Variants in WDR72 observed in about 807,000 individuals in gnomAD.
WDR72 encodes WD repeat domain 72.
WDR72 carries 120 observed loss-of-function variants against 124.2 expected under a neutral mutation model. That is an observed-to-expected ratio of 0.97 (90% CI 0.83 to 1.12). WDR72 has a LOEUF of 1.12. WDR72 is among the 50% of genes most tolerant of loss of function. The probability of loss-of-function intolerance (pLI) is 0.00; values close to 1 mark genes in which losing one functional copy is unlikely to be tolerated. For missense variants in WDR72, 1,387 were observed against 1,278.8 expected, an observed-to-expected ratio of 1.08 and a Z score of -1.29; for synonymous variants, 452 against 441.7, an observed-to-expected ratio of 1.02 and a Z score of -0.29.
At chr15:53,686,145 G>C (rs191403307) in intron 13 of WDR72, among the ~76,000 whole-genome samples, 1 of 145,104 alleles carries the variant, frequency 6.9e-6, no homozygotes, top group South Asian at 2.3e-4. Flanking sequence ...GGACGAAACT[G>C]CATCAACTAA....
chr15:53,600,259 A>G (rs73408217), intron 17 of WDR72, among the ~76,000 whole-genome samples: 21,239 of 152,170 alleles, frequency 0.14, 2,323 homozygotes, highest in African/African-American at 0.31. Context: ...TATAAATGTA[A>G]TAGATAGATT....
chr15:53,561,734 T>C (rs74899479), intron 18 of WDR72, among the ~76,000 whole-genome samples: 1 of 151,796 alleles, frequency 6.6e-6, no homozygotes, highest in Non-Finnish European at 1.5e-5. Flanking sequence ...TCTGTCTGCA[T>C]TTTAGGTTCA....
At chr15:53,731,964 A>G (rs2018215294) in intron 2 of WDR72, among the ~76,000 whole-genome samples, 1 of 152,228 alleles carries the variant, frequency 6.6e-6, no homozygotes, top group African/African-American at 2.4e-5. Context: ...CTAGCCAGAA[A>G]ATAATACACT....
intron 13 of WDR72, among the ~76,000 whole-genome samples, chr15:53,690,167 G>A (rs1037971770): frequency 3.0e-4 from 45 of 151,766 alleles, no homozygotes; most frequent in Non-Finnish European, 1.3e-4. Context: ...GTATACATAT[G>A]TAACTAACCT....
At chr15:53,649,252 C>T (rs74570758) in intron 14 of WDR72, among the ~76,000 whole-genome samples, 1,976 of 152,170 alleles carry the variant, frequency 0.013, 33 homozygotes, top group East Asian at 0.07. Flanking sequence ...GCATTACCAA[C>T]GCAGAGTTGA....
chr15:53,634,084 C>T (rs2014533439), intron 14 of WDR72, among the ~76,000 whole-genome samples: 1 of 152,154 alleles, frequency 6.6e-6, no homozygotes, highest in South Asian at 2.1e-4. Flanking sequence ...ATGTGCCCTC[C>T]TGAGTAATTC....
chr15:53,727,347 CATA>C (rs1221611110), intron 2 of WDR72, among the ~76,000 whole-genome samples: 5 of 151,650 alleles, frequency 3.3e-5, no homozygotes, highest in African/African-American at 1.2e-4. Flanking sequence ...ACTATACGAA[CATA>C]TGTAGATGGT....
rs191695568 is a variant in WDR72 at position 53,612,413 on chromosome 15, G to A, written c.2872+1253C>T. 3.5e-3 allele frequency among the ~76,000 whole-genome samples: 532 copies of A among 152,208 alleles called. 1 individual carries two copies. The highest frequency in any genetic ancestry group is 0.012 in the African/African-American group (508 of 41,554). On this transcript the variant is annotated intron_variant, in intron 16 of 19. Coordinates refer to ENST00000360509, the MANE Select transcript of WDR72 (RefSeq NM_182758.4). ...AGCGAAAGGGGTAGGGAGTGCTGCT[G>A]CAGTGATAAAGTGGCATTGGAGCAA...
chr15:53,721,969 T>C (rs2017888194), intron 3 of WDR72, among the ~76,000 whole-genome samples: 1 of 152,188 alleles, frequency 6.6e-6, no homozygotes, highest in Non-Finnish European at 1.5e-5. Context: ...TTTCCATCTC[T>C]CTGCCACCAT....
At chr15:53,674,756 G>T (rs1453719444) in intron 13 of WDR72, among the ~76,000 whole-genome samples, 2 of 152,076 alleles carry the variant, frequency 1.3e-5, no homozygotes, top group Non-Finnish European at 2.9e-5. Context: ...TACCTTAAGG[G>T]TATATAGGAT....
At chr15:53,659,387 A>C (rs77778500) in intron 14 of WDR72, among the ~76,000 whole-genome samples, 2,028 of 152,254 alleles carry the variant, frequency 0.013, 32 homozygotes, top group East Asian at 0.069. Context: ...AAGCTAGCCT[A>C]GCACCATGAA....
intron 1 of WDR72, among the ~76,000 whole-genome samples, chr15:53,754,044 C>T (rs2018838540): frequency 1.3e-5 from 2 of 152,096 alleles, no homozygotes; most frequent in African/African-American, 4.8e-5. Context: ...AGCCAGTCCA[C>T]CTATTTCTTT....
Position 53,609,535 on chromosome 15 carries a change from C to T in WDR72, c.2930G>A (p.Cys977Tyr). The change falls in exon 17 of 20, where the codon TGT becomes TAT. Residue 977 changes from cysteine to tyrosine, a missense_variant. Transcript: ENST00000360509. ...TACCTGCACAGACTGGTCTCTCCAA[C>T]AGGAAATTAGCTTCAAAAGTGAAAG... ...ADLSLLKLIS[C>Y]WRDQSVQVTE... 1.2e-6 allele frequency: 2 copies of T among 1,613,542 alleles called. No individual in the cohort carries two copies. The highest frequency in any genetic ancestry group is 1.3e-5 in the African/African-American group (1 of 74,990).
At chr15:53,628,285 T>C (rs956703450) in intron 14 of WDR72, among the ~76,000 whole-genome samples, 17 of 152,074 alleles carry the variant, frequency 1.1e-4, no homozygotes, top group African/African-American at 4.1e-4. Flanking sequence ...AGAAGTGTAG[T>C]TAATGCAAAG....
chr15:53,712,783 T>C lies in WDR72; in HGVS notation c.700A>G (p.Lys234Glu). 1.2e-6 allele frequency: 2 copies of C among 1,612,900 alleles called. No individual in the cohort carries two copies. The highest frequency in any genetic ancestry group is 8.5e-7 in the Non-Finnish European group (1 of 1,179,162). Residue 234 changes from lysine to glutamate, a missense_variant, in exon 7 of 20, where the codon AAA becomes GAA. By Grantham distance (56) the Lys-to-Glu change is moderately conservative (BLOSUM62 1). Coordinates refer to ENST00000360509, the MANE Select transcript of WDR72 (RefSeq NM_182758.4). ...TTACTTTATAATACCTTCCAACATT[T>C]AGAAAATACCACCAATAGAAGTCTC... ...TERLLLVVFSKCWKVYDYCDF... is the reference protein window; with the variant it reads ...TERLLLVVFSECWKVYDYCDF...
chr15:53,706,375 T>TATATATATATATATAC (rs2017375098), intron 9 of WDR72, among the ~76,000 whole-genome samples: 3 of 115,790 alleles, frequency 2.6e-5, no homozygotes, highest in African/African-American at 1.4e-4. Context: ...TATATATATA[T>TATATATATATATATAC]ATATATATAT....
At chr15:53,714,344 A>G (rs1339393551) in intron 6 of WDR72, 90 bp downstream of exon 6, 1 of 1,030,306 alleles carries the variant, frequency 9.7e-7, no homozygotes, top group South Asian at 1.3e-5. Flanking sequence ...TGAACTTTTG[A>G]CAATAAACAT....
Position 53,515,996 on chromosome 15 carries a change from T to C in WDR72, c.*1703A>G, listed in dbSNP as rs146307304. The C allele has an allele frequency of 1.3e-5, 2 of 152,256 alleles. No homozygotes were observed. Among genetic ancestry groups the C allele is most frequent in the East Asian group, 3.9e-4 (2 of 5,182 alleles). 9.4% of individuals were successfully genotyped at this position (152,256 alleles called of 1,614,324 possible). A position where few individuals can be genotyped will look rare whatever the true frequency, so the allele number is the denominator to read the frequency against. On this transcript the variant is annotated 3_prime_UTR_variant, in exon 20 of 20. Coordinates refer to ENST00000360509, the MANE Select transcript of WDR72 (RefSeq NM_182758.4). ...CTTTTGGGAGTCCTTATAATGTCCT[T>C]GACAACTGGTATACAACAAGCAAGA...
chr15:53,650,893 G>GTTT (rs71297666), intron 14 of WDR72, among the ~76,000 whole-genome samples: 36,092 of 106,294 alleles, frequency 0.34, 7,470 homozygotes, highest in Middle Eastern at 0.51. Flanking sequence ...CTCTAATTCA[G>GTTT]TTTTTTTTTT....
Sources: gnomAD v4.1 joint callset for allele counts (sites outside exome capture counted in the v4.1 genomes callset) on GRCh38, gnomAD v4.1.1 for gene constraint, MANE v1.5 for transcripts, NCBI Gene and HGNC (gene_info 2026-07-23, HGNC 2026-07-21) for gene names.